Variants in ZNF469 observed in about 807,000 individuals in gnomAD.
ZNF469 encodes zinc finger protein 469.
ZNF469 carries 1 observed loss-of-function variant against 1.0 expected under a neutral mutation model. The ratio of observed to expected loss-of-function variants is 1.00; its 90% CI spans 0.35 to 4.73. The LOEUF (loss-of-function observed/expected upper bound fraction) is 4.73, where lower values mean the gene tolerates loss of function less well. Ranked by LOEUF, ZNF469 falls within the 30% of genes most tolerant of loss-of-function variation. ZNF469 has a pLI of 0.16. For synonymous variants in ZNF469, 2,703 were observed against 2,363.4 expected (o/e 1.14, Z -4.17); for missense variants, 6,100 against 5,356.3 (o/e 1.14, Z -4.33).
Position 88,437,724 on chromosome 16 carries a change from C to A in ZNF469, c.10254C>A (p.Phe3418Leu). The A allele has an allele frequency of 6.5e-7, 1 of 1,549,844 alleles. No homozygotes were observed. The highest frequency in any genetic ancestry group is 1.2e-5 in the South Asian group (1 of 84,066). ...TTATGCGCATCATCAAGAAGTCCTT[C>A]GCCTGCAGCTCCTGCAACTACACCT... is the stretch of plus-strand genomic sequence containing the variant. ...ATVMRIIKKS[F>L]ACSSCNYTFA... Residue 3418 changes from phenylalanine (F) to leucine (L), a missense_variant, in exon 3 of 3, where the codon TTC becomes TTA. Physicochemically the swap from Phe to Leu is conservative, Grantham distance 22 (BLOSUM62 0). Coordinates refer to ENST00000565624, the MANE Select transcript of ZNF469 (RefSeq NM_001367624.2).
chr16:88,306,554 G>A, the ZNF469 span, among the ~76,000 whole-genome samples: 6 of 152,336 alleles, frequency 3.9e-5, no homozygotes, highest in Admixed American at 1.3e-4. Context: ...GGGTGGTGGG[G>A]TGTGGTCCAC....
At chr16:88,205,394 C>T in the ZNF469 span, among the ~76,000 whole-genome samples, 17 of 152,256 alleles carry the variant, frequency 1.1e-4, no homozygotes, top group African/African-American at 4.1e-4. This position sits in a 1 kb window ranked among gnomAD's most constrained non-coding sequence, Gnocchi z 4.2. Context: ...CCAGAAATCC[C>T]ATTCTAGGCA....
In ZNF469 at chr16:88,401,897, TGGATGGATGGAG is replaced by T. The variant is rs1485411347; in HGVS notation, c.-192+18655_-192+18666del. On this transcript the variant is annotated intron_variant, in intron 1 of 2. Transcript: ENST00000565624. ...ATGGATAGATGGGTGAGTGGGTGAG[TGGATGGATGGAG>T]GGATGGATGGATGGATGGATGGATA... is the stretch of plus-strand genomic sequence containing the variant. Among the ~76,000 whole-genome samples the T allele has an allele frequency of 2.9e-4, 12 of 40,934 alleles. No individual in the cohort carries two copies. In the East Asian group the frequency reaches 3.8e-3, roughly 13 times the overall value. 26.9% of individuals were successfully genotyped at this position (40,934 alleles called of 152,430 possible). A position where few individuals can be genotyped will look rare whatever the true frequency, so the allele number is the denominator to read the frequency against.
At chr16:88,411,340 A>G (rs1043435224) in intron 1 of ZNF469, among the ~76,000 whole-genome samples, 2 of 150,494 alleles carry the variant, frequency 1.3e-5, no homozygotes, top group African/African-American at 4.9e-5. Flanking sequence ...CCAGAGCCCA[A>G]CGCAGCCCCG....
At chr16:88,302,108 G>A in the ZNF469 span, among the ~76,000 whole-genome samples, 2 of 152,184 alleles carry the variant, frequency 1.3e-5, no homozygotes. Flanking sequence ...GAACAGCTGG[G>A]CTCTCGGTCA....
chr16:88,296,681 C>T, the ZNF469 span, among the ~76,000 whole-genome samples: 3 of 152,194 alleles, frequency 2.0e-5, no homozygotes, highest in South Asian at 2.1e-4. Flanking sequence ...CATGCACACT[C>T]GTGCACACTC....
At chr16:88,345,632 C>T in the ZNF469 span, among the ~76,000 whole-genome samples, 2 of 152,110 alleles carry the variant, frequency 1.3e-5, no homozygotes, top group Admixed American at 6.5e-5. Context: ...GGGGTCGCCA[C>T]GGGGTCCATT....
the ZNF469 span, among the ~76,000 whole-genome samples, chr16:88,304,825 T>C: frequency 1.3e-5 from 2 of 152,180 alleles, no homozygotes; most frequent in African/African-American, 2.4e-5. Context: ...TAATAACACA[T>C]TGTTCACCAA....
chr16:88,112,676 T>A, the ZNF469 span, among the ~76,000 whole-genome samples: 3 of 152,074 alleles, frequency 2.0e-5, no homozygotes, highest in South Asian at 6.2e-4. Flanking sequence ...TATGTTCTGG[T>A]TATGAATCCC....
chr16:88,434,819 G>T lies in ZNF469; in HGVS notation c.7349G>T (p.Gly2450Val), dbSNP rs1471829166. The T allele has an allele frequency of 6.5e-7, 1 of 1,550,344 alleles. No individual in the cohort carries two copies. Among genetic ancestry groups the T allele is most frequent in the Non-Finnish European group, 8.7e-7 (1 of 1,146,974 alleles). Residue 2450 changes from glycine (G) to valine (V), a missense_variant, in exon 3 of 3, where the codon GGC (glycine) becomes GTC (valine). Physicochemically the swap from Gly to Val is moderately radical, Grantham distance 109. Coordinates refer to ENST00000565624, the MANE Select transcript of ZNF469 (RefSeq NM_001367624.2). ...CAAGACCTCAAACAGAGGTCCCGTG[G>T]CTATAAAAAGAAGCCTGCATCTACA... ...GPQDLKQRSR[G>V]YKKKPASTEN...
the ZNF469 span, among the ~76,000 whole-genome samples, chr16:88,313,404 C>T: frequency 1.8e-4 from 27 of 152,304 alleles, no homozygotes; most frequent in Non-Finnish European, 2.9e-4. Flanking sequence ...CAATTGCATC[C>T]GCCCATCCCT....
At chr16:88,293,563 A>G in the ZNF469 span, among the ~76,000 whole-genome samples, 1 of 152,192 alleles carries the variant, frequency 6.6e-6, no homozygotes, top group African/African-American at 2.4e-5. Context: ...ATGATGATCC[A>G]TCACCTGCCA....
At chr16:88,230,690 G>T in the ZNF469 span, among the ~76,000 whole-genome samples, 1 of 40,288 alleles carries the variant, frequency 2.5e-5, no homozygotes, top group East Asian at 6.1e-4. Flanking sequence ...CTGATGAGCA[G>T]GTGTCGCTGT....
At chr16:88,113,456 C>A in the ZNF469 span, among the ~76,000 whole-genome samples, 1 of 152,172 alleles carries the variant, frequency 6.6e-6, no homozygotes, top group African/African-American at 2.4e-5. Context: ...GTTGCCATGG[C>A]TTCTGGCGCT....
At chr16:88,341,529 T>C in the ZNF469 span, among the ~76,000 whole-genome samples, 3 of 152,222 alleles carry the variant, frequency 2.0e-5, no homozygotes, top group Non-Finnish European at 4.4e-5. Flanking sequence ...CAATTTCCTT[T>C]CGCATTGACT....
chr16:88,135,728 C>A, the ZNF469 span, among the ~76,000 whole-genome samples: 2 of 131,506 alleles, frequency 1.5e-5, no homozygotes, highest in African/African-American at 5.3e-5. Flanking sequence ...CTTCAGGGAT[C>A]TCACTGTGAA....
At chr16:88,291,107 A>C in the ZNF469 span, among the ~76,000 whole-genome samples, 1 of 152,182 alleles carries the variant, frequency 6.6e-6, no homozygotes, top group East Asian at 1.9e-4. Flanking sequence ...CCTGGAGCCA[A>C]GCAGGCCAAG....
chr16:88,160,522 G>A, the ZNF469 span, among the ~76,000 whole-genome samples: 3 of 152,148 alleles, frequency 2.0e-5, no homozygotes, highest in Admixed American at 6.5e-5. Flanking sequence ...CTGCGGGTGC[G>A]GGAGGCATGT....
At position 88,420,585 on chromosome 16, in the gene ZNF469, G is replaced by A. The variant is rs116192706; in HGVS notation, c.-191-4222G>A. Among the ~76,000 whole-genome samples, 950 of 152,314 alleles carry A rather than the reference G, an allele frequency of 6.2e-3. 10 individuals are homozygous for A. Among genetic ancestry groups the A allele is most frequent in the African/African-American group, 0.021 (893 of 41,562 alleles). On this transcript the variant is annotated intron_variant, in intron 1 of 2. Coordinates refer to ENST00000565624, the MANE Select transcript of ZNF469 (RefSeq NM_001367624.2). ...GCCACCAGGATGTGGAACGACAGGC[G>A]CCCTTTGAGAATTGCAGGATCATGG...
Sources: allele counts gnomAD v4.1 joint callset (sites outside exome capture counted in the v4.1 genomes callset), GRCh38; gene constraint gnomAD v4.1.1; non-coding constraint Gnocchi (gnomAD v3.1); transcripts MANE v1.5; gene names NCBI Gene and HGNC (gene_info 2026-07-23, HGNC 2026-07-21).